HTR3B: variants seen among roughly 807,000 people sequenced by gnomAD.
HTR3B encodes 5-hydroxytryptamine (serotonin) receptor 3B, ionotropic.
HTR3B carries 44 observed loss-of-function variants against 42.8 expected under a neutral mutation model. The observed-to-expected ratio is 1.03, with a 90% CI of 0.81 to 1.32. The LOEUF is 1.32. Ranked by LOEUF, HTR3B falls within the 40% of genes most tolerant of loss-of-function variation. The probability of loss-of-function intolerance (pLI) is 0.00; values close to 1 mark genes in which losing one functional copy is unlikely to be tolerated. For synonymous variants in HTR3B, 203 were observed against 209.0 expected, an observed-to-expected ratio of 0.97 and a Z score of 0.25; for missense variants, 527 against 536.5, an observed-to-expected ratio of 0.98 and a Z score of 0.17.
intron 2 of HTR3B, among the ~76,000 whole-genome samples, chr11:113,928,227 A>G (rs952697699): frequency 6.6e-6 from 1 of 151,952 alleles, no homozygotes; most frequent in African/African-American, 2.4e-5. Flanking sequence ...TCTTTTTTTT[A>G]TGGCTGCATG....
In HTR3B at chr11:113,931,854, A is replaced by G; in HGVS notation, c.355A>G (p.Ile119Val). The change falls in exon 4 of 9, where the codon ATC becomes GTC. Residue 119 changes from isoleucine (I) to valine (V), a missense_variant. By Grantham distance (29) the Ile-to-Val change is conservative (BLOSUM62 3). Coordinates refer to ENST00000260191, the MANE Select transcript of HTR3B (RefSeq NM_006028.5). ...PLSAIWAPDIIINEFVDIERY... is the reference protein window; with the variant it reads ...PLSAIWAPDIVINEFVDIERY... ...AAGTGCCATCTGGGCCCCCGATATC[A>G]TCATCAATGAGTTGTAAGTGTGCCA... is the stretch of plus-strand genomic sequence containing the variant. 6.3e-7 allele frequency: 1 copy of G among 1,576,042 alleles called. No homozygotes were observed. The highest frequency in any genetic ancestry group is 8.7e-7 in the Non-Finnish European group (1 of 1,145,294).
chr11:113,906,503 A>C (rs1949735834), intron 1 of HTR3B, among the ~76,000 whole-genome samples: 1 of 152,192 alleles, frequency 6.6e-6, no homozygotes, highest in Non-Finnish European at 1.5e-5. Context: ...GTGAAATGCA[A>C]ATGTAAGATA....
chr11:113,899,715 T>C, the HTR3B span, among the ~76,000 whole-genome samples: 1 of 152,216 alleles, frequency 6.6e-6, no homozygotes, highest in African/African-American at 2.4e-5. Flanking sequence ...ACTTCCTTAT[T>C]ATGTTTGCAT....
chr11:113,922,548 AT>A (rs1433604548), intron 2 of HTR3B, among the ~76,000 whole-genome samples: 2 of 143,346 alleles, frequency 1.4e-5, no homozygotes, highest in Admixed American at 1.5e-4. Flanking sequence ...CTGTGTTTTT[AT>A]TTTATTTATT....
At position 113,946,129 on chromosome 11, in the gene HTR3B, G is replaced by C. The variant is rs377656347; in HGVS notation, c.1318G>C (p.Gly440Arg). 1.3e-5 allele frequency: 21 copies of C among 1,610,270 alleles called. No homozygotes were observed. In the African/African-American group the frequency reaches 2.7e-4, roughly 20 times the overall value. ...GTGCTCCCTCTGGGCACTGTGGGGCGGCGTGTGAAGACTGAAGTGTTCTTC... is the reference window on the plus strand; with the variant it reads ...GTGCTCCCTCTGGGCACTGTGGGGCCGCGTGTGAAGACTGAAGTGTTCTTC... ...TLCSLWALWG[G>R]V Residue 440 changes from glycine (G) to arginine (R), a missense_variant, in exon 9 of 9, where the codon GGC (glycine) becomes CGC (arginine). Coordinates refer to ENST00000260191, the MANE Select transcript of HTR3B (RefSeq NM_006028.5).
intron 2 of HTR3B, among the ~76,000 whole-genome samples, chr11:113,925,398 G>A (rs1949959251): frequency 6.7e-6 from 1 of 150,322 alleles, no homozygotes; most frequent in African/African-American, 2.4e-5. Context: ...AATCAGCAAA[G>A]GAAATGTTTT....
At chr11:113,931,913 A>G (rs1421973463) in intron 4 of HTR3B, 46 bp downstream of exon 4, 3 of 1,100,382 alleles carry the variant, frequency 2.7e-6, no homozygotes, top group Non-Finnish European at 4.2e-6. Flanking sequence ...ACTGCTTGGT[A>G]TAGTCGGGCC....
Position 113,935,242 on chromosome 11 carries a change from T to C in HTR3B, c.696+2149T>C, listed in dbSNP as rs963011029. ...GAGGCTTCCCTGGATCTCAGAGCCA[T>C]GGTCCAGTTCCTCTGCTCTCCTCAC... is the stretch of plus-strand genomic sequence containing the variant. On this transcript the variant is annotated intron_variant, in intron 6 of 8. Transcript: ENST00000260191. Among the ~76,000 whole-genome samples, 32 of 152,216 alleles carry C rather than the reference T, an allele frequency of 2.1e-4. No individual in the cohort carries two copies. In the East Asian group the frequency reaches 2.7e-3, roughly 13 times the overall value.
upstream of HTR3B, among the ~76,000 whole-genome samples, chr11:113,903,302 G>C (rs1949708373): frequency 6.6e-6 from 1 of 152,182 alleles, no homozygotes; most frequent in Admixed American, 6.6e-5. Flanking sequence ...AGCTATGGAA[G>C]CTAGGTGTGC....
intron 6 of HTR3B, among the ~76,000 whole-genome samples, chr11:113,936,370 G>A (rs1045341372): frequency 6.6e-6 from 1 of 152,044 alleles, no homozygotes; most frequent in African/African-American, 2.4e-5. Context: ...GTGCGCACAG[G>A]GTGTCCTAGA....
intron 1 of HTR3B, among the ~76,000 whole-genome samples, chr11:113,906,599 T>C (rs868530216): frequency 1.6e-4 from 24 of 152,344 alleles, no homozygotes; most frequent in Middle Eastern, 6.8e-3. Flanking sequence ...GTCTTCTTTT[T>C]GAAAGGTTAC....
At chr11:113,933,654 C>T (rs192729144) in intron 6 of HTR3B, among the ~76,000 whole-genome samples, 1 of 152,154 alleles carries the variant, frequency 6.6e-6, no homozygotes, top group East Asian at 1.9e-4. Flanking sequence ...GATGGGAACC[C>T]ACACTCCTCC....
At chr11:113,924,500 C>G (rs184170632) in intron 2 of HTR3B, among the ~76,000 whole-genome samples, 2 of 152,042 alleles carry the variant, frequency 1.3e-5, no homozygotes, top group East Asian at 3.9e-4. Context: ...TGTTGCACAT[C>G]TCTGGTCCCA....
At position 113,946,338 on chromosome 11, in the gene HTR3B, C is replaced by CAGTA. The variant is rs1265399688; in HGVS notation, c.*203_*206dup. The CAGTA allele has an allele frequency of 1.7e-5, 6 of 363,278 alleles. No individual in the cohort carries two copies. The East Asian group carries it at 2.7e-4, about 16-fold the overall frequency. 22.5% of individuals were successfully genotyped at this position (363,278 alleles called of 1,614,324 possible). On this transcript the variant is annotated 3_prime_UTR_variant, in exon 9 of 9. Coordinates refer to ENST00000260191, the MANE Select transcript of HTR3B (RefSeq NM_006028.5). ...CAACATAGTGAGACCACATCTCTAC[C>CAGTA]AGTAAATAAATAAATAAATAAATAA...
At chr11:113,909,479 T>A (rs1256106647) in intron 2 of HTR3B, 24 bp downstream of exon 2, 1 of 1,599,392 alleles carries the variant, frequency 6.3e-7, no homozygotes, top group Non-Finnish European at 8.5e-7. Context: ...TGCCCCTTCC[T>A]ATTCTTGTTA....
intron 2 of HTR3B, among the ~76,000 whole-genome samples, chr11:113,916,312 T>C (rs925415214): frequency 3.2e-4 from 49 of 152,258 alleles, no homozygotes; most frequent in African/African-American, 1.1e-3. Flanking sequence ...TATTTAATTT[T>C]AAAGTTGGGC....
intron 2 of HTR3B, among the ~76,000 whole-genome samples, chr11:113,924,624 CA>C (rs34212177): frequency 0.011 from 570 of 52,214 alleles, 5 homozygotes; most frequent in African/African-American, 0.043. Context: ...GACCTTGTCT[CA>C]AAAAAAAAAA....
At chr11:113,913,809 C>T (rs1478618453) in intron 2 of HTR3B, among the ~76,000 whole-genome samples, 1 of 152,128 alleles carries the variant, frequency 6.6e-6, no homozygotes, top group Non-Finnish European at 1.5e-5. Context: ...CCACCACGCC[C>T]GGCCTCCAAA....
intron 1 of HTR3B, among the ~76,000 whole-genome samples, chr11:113,905,938 AT>A (rs1949730234): frequency 6.6e-6 from 1 of 152,246 alleles, no homozygotes; most frequent in Non-Finnish European, 1.5e-5. Context: ...ATAAAAGCAT[AT>A]CTTAATTGTA....
Sources: gnomAD v4.1 joint callset for allele counts (sites outside exome capture counted in the v4.1 genomes callset) on GRCh38, gnomAD v4.1.1 for gene constraint, MANE v1.5 for transcripts, NCBI Gene and HGNC (gene_info 2026-07-23, HGNC 2026-07-21) for gene names.